The following FKBP9 variants were observed in gnomAD, a reference collection of about 807,000 sequenced individuals.
FKBP9 encodes the protein peptidyl-prolyl cis-trans isomerase FKBP9.
FKBP9 carries 27 observed loss-of-function variants against 55.6 expected under a neutral mutation model. That is an observed-to-expected ratio of 0.49 (90% CI 0.36 to 0.67). FKBP9 has a LOEUF of 0.67. FKBP9 is among the 30% of genes least tolerant of loss of function. The probability of loss-of-function intolerance (pLI) is 0.00; values close to 1 mark genes in which losing one functional copy is unlikely to be tolerated. For synonymous variants in FKBP9, 267 were observed against 296.5 expected (o/e 0.90, Z 1.02); for missense variants, 539 against 742.8 (o/e 0.73, Z 3.19).
intron 9 of FKBP9, among the ~76,000 whole-genome samples, chr7:33,003,752 C>T (rs1007877272): frequency 5.3e-5 from 8 of 152,230 alleles, no homozygotes; most frequent in African/African-American, 1.9e-4. Flanking sequence ...GTACGTCCCT[C>T]TCAGGCCTCT....
chr7:32,983,866 G>T (rs1343404047), intron 5 of FKBP9, among the ~76,000 whole-genome samples: 2 of 152,096 alleles, frequency 1.3e-5, no homozygotes, highest in Non-Finnish European at 2.9e-5. Flanking sequence ...TGAACTACCT[G>T]TTCAGGTCCT....
chr7:32,986,886 AGGTCACGT>A (rs1271352802), intron 5 of FKBP9, among the ~76,000 whole-genome samples: 1 of 152,218 alleles, frequency 6.6e-6, no homozygotes, highest in African/African-American at 2.4e-5. Flanking sequence ...GAAGGGGTGC[AGGTCACGT>A]GGTCCAGTTT....
At chr7:32,965,849 G>A (rs373573782) in intron 1 of FKBP9, among the ~76,000 whole-genome samples, 57,934 of 80,074 alleles carry the variant, frequency 0.72, 21,427 homozygotes, top group South Asian at 0.79. Context: ...ATATATGTGT[G>A]TACAGATATA....
At chr7:32,993,653 T>C (rs1386800522) in intron 6 of FKBP9, among the ~76,000 whole-genome samples, 1 of 152,128 alleles carries the variant, frequency 6.6e-6, no homozygotes, top group Non-Finnish European at 1.5e-5. Context: ...GGTGAAACCC[T>C]GTCTCTACTA....
intron 1 of FKBP9, 22 bp downstream of exon 1, chr7:32,957,816 G>T (rs1323094460): frequency 2.1e-6 from 3 of 1,420,580 alleles, no homozygotes; most frequent in Non-Finnish European, 1.8e-6. Flanking sequence ...TTGGCGCCCG[G>T]CGCGGCCTCA....
rs188121734 is a variant in FKBP9 at position 32,999,276 on chromosome 7, A to C, written c.1227-839A>C. Among the ~76,000 whole-genome samples the C allele has an allele frequency of 2.9e-3, 446 of 152,252 alleles. 4 individuals carry two copies. The highest frequency in any genetic ancestry group is 9.6e-3 in the African/African-American group (397 of 41,554). On this transcript the variant is annotated intron_variant, in intron 7 of 9. Coordinates refer to ENST00000242209, the MANE Select transcript of FKBP9 (RefSeq NM_007270.5). ...CCCGTCCATGTTGTCCCCAGTGCTC[A>C]TGGGCATCAAGGGGGGTCAGGGGGC...
rs10566069 is a variant in FKBP9 at position 32,973,580 on chromosome 7, A to AGTGTGTGTGTGT, written c.222-1022_222-1011dup. 6.7e-3 allele frequency among the ~76,000 whole-genome samples: 967 copies of AGTGTGTGTGTGT among 143,618 alleles called. 5 individuals are homozygous for AGTGTGTGTGTGT. Among genetic ancestry groups the AGTGTGTGTGTGT allele is most frequent in the African/African-American group, 0.016 (611 of 37,132 alleles). 94.2% of individuals were successfully genotyped at this position (143,618 alleles called of 152,430 possible). ...AGCTGGATGACTTTAAAAAAAATCA[A>AGTGTGTGTGTGT]GTGTGTGTGTGTGTGTGTGTGTGTG... On this transcript the variant is annotated intron_variant, in intron 1 of 9. Transcript: ENST00000242209.
At chr7:32,976,141 G>A (rs963921893) in intron 3 of FKBP9, among the ~76,000 whole-genome samples, 2 of 152,182 alleles carry the variant, frequency 1.3e-5, no homozygotes, top group African/African-American at 4.8e-5. Flanking sequence ...GCCTGTTTTT[G>A]TCTATCACTA....
rs1241368510 is a variant in FKBP9, at chr7:32,965,822, T to A, written c.221+8028T>A. 9.3e-3 allele frequency among the ~76,000 whole-genome samples: 162 copies of A among 17,340 alleles called. 1 individual carries two copies. Among genetic ancestry groups the A allele is most frequent in the African/African-American group, 0.017 (75 of 4,296 alleles). The allele number at this position is 17,340 out of a possible 152,430, so 11.4% of individuals were successfully genotyped here. On this transcript the variant is annotated intron_variant, in intron 1 of 9. Coordinates refer to ENST00000242209, the MANE Select transcript of FKBP9 (RefSeq NM_007270.5). ...CAAAAAAAAAAAAAAAATATATATA[T>A]ATATATATATATATATATATATGTG...
chr7:32,976,580 A>C, intron 4 of FKBP9, 81 bp downstream of exon 4: 5 of 1,526,032 alleles, frequency 3.3e-6, no homozygotes, highest in Non-Finnish European at 4.4e-6. Flanking sequence ...CACCACATGA[A>C]ACCCACTAGA....
At chr7:32,959,558 C>T (rs1783977964) in intron 1 of FKBP9, among the ~76,000 whole-genome samples, 1 of 152,134 alleles carries the variant, frequency 6.6e-6, no homozygotes, top group Non-Finnish European at 1.5e-5. Flanking sequence ...ATTTCCAGAA[C>T]ATTTTCATCA....
At chr7:32,976,213 A>G in intron 3 of FKBP9, 141 bp from the exon 4 acceptor site, 1 of 925,628 alleles carries the variant, frequency 1.1e-6, no homozygotes, top group Non-Finnish European at 1.7e-6. Context: ...TGTTTGGGGG[A>G]AAAGATCCAT....
intron 4 of FKBP9, among the ~76,000 whole-genome samples, chr7:32,977,863 A>ATATATATATACACT (rs1169334149): frequency 1.1e-4 from 14 of 127,028 alleles, no homozygotes; most frequent in African/African-American, 4.0e-4. Flanking sequence ...ATATATATAT[A>ATATATATATACACT]CATGCCCATA....
At chr7:32,970,182 G>C (rs1004877280) in intron 1 of FKBP9, among the ~76,000 whole-genome samples, 1 of 151,830 alleles carries the variant, frequency 6.6e-6, no homozygotes, top group Non-Finnish European at 1.5e-5. Flanking sequence ...CCATTTATTC[G>C]TGTCCTCTTT....
At chr7:32,972,210 G>C (rs1028337343) in intron 1 of FKBP9, among the ~76,000 whole-genome samples, 1 of 152,166 alleles carries the variant, frequency 6.6e-6, no homozygotes, top group East Asian at 1.9e-4. Flanking sequence ...GGGCCCCGGA[G>C]GTAGAGGGTG....
intron 3 of FKBP9, 74 bp downstream of exon 3, chr7:32,975,445 T>C: frequency 8.2e-7 from 1 of 1,213,806 alleles, no homozygotes; most frequent in Admixed American, 1.9e-5. Context: ...TTACTTGCTT[T>C]TTATGCTGAT....
In FKBP9 at chr7:32,982,013, C is replaced by T. The variant is rs1784486520; in HGVS notation, c.893+1460C>T. Among the ~76,000 whole-genome samples, 3 of 148,262 alleles carry T rather than the reference C, an allele frequency of 2.0e-5. No homozygotes were observed. The South Asian group carries it at 6.4e-4, about 32-fold the overall frequency. On this transcript the variant is annotated intron_variant, in intron 5 of 9. Transcript: ENST00000242209. ...TATTGGTTTCTATTTTTAATTTTTC[C>T]AATGTCTGGATTTTTTTTTTTTTTT...
At chr7:32,990,455 G>A (rs988776378) in intron 6 of FKBP9, among the ~76,000 whole-genome samples, 1 of 152,140 alleles carries the variant, frequency 6.6e-6, no homozygotes, top group Non-Finnish European at 1.5e-5. Flanking sequence ...CGTTTGCGTT[G>A]TTTTAAGCCA....
chr7:32,959,808 A>C (rs1056302786), intron 1 of FKBP9, among the ~76,000 whole-genome samples: 3 of 152,174 alleles, frequency 2.0e-5, no homozygotes, highest in Non-Finnish European at 2.9e-5. Context: ...TTGTGGCTGT[A>C]TATGTAATAT....
Sources: gnomAD v4.1 joint callset for allele counts (sites outside exome capture counted in the v4.1 genomes callset) on GRCh38, gnomAD v4.1.1 for gene constraint, MANE v1.5 for transcripts, NCBI Gene and HGNC (gene_info 2026-07-23, HGNC 2026-07-21) for gene names.